Variants in FAM20C observed in about 807,000 individuals in gnomAD.
FAM20C encodes FAM20C golgi associated secretory pathway kinase, also known as extracellular serine/threonine protein kinase FAM20C.
In FAM20C, 40 loss-of-function variants were observed where a neutral mutation model predicts 51.5. The ratio of observed to expected loss-of-function variants is 0.78; its 90% CI spans 0.60 to 1.01. The LOEUF (loss-of-function observed/expected upper bound fraction) is 1.01. FAM20C is among the 50% of genes least tolerant of loss of function. The pLI, the probability that FAM20C is intolerant of heterozygous loss-of-function variation, is 0.00. For missense variants in FAM20C, 861 were observed against 844.7 expected, an observed-to-expected ratio of 1.02 and a Z score of -0.24; for synonymous variants, 406 against 380.6, an observed-to-expected ratio of 1.07 and a Z score of -0.78.
intron 3 of FAM20C, among the ~76,000 whole-genome samples, chr7:242,076 G>T (rs923165881): frequency 6.6e-6 from 1 of 152,178 alleles, no homozygotes; most frequent in East Asian, 1.9e-4. Flanking sequence ...GGCCCCCTGC[G>T]CTCTGGCAGG....
chr7:226,178 T>C (rs1248760960), intron 3 of FAM20C, among the ~76,000 whole-genome samples: 1 of 152,080 alleles, frequency 6.6e-6, no homozygotes, highest in Non-Finnish European at 1.5e-5. Context: ...CCAAACCCAC[T>C]GGGTTCAGCC....
chr7:222,617 A>G (rs986666686), intron 3 of FAM20C, among the ~76,000 whole-genome samples: 6 of 152,198 alleles, frequency 3.9e-5, no homozygotes, highest in Non-Finnish European at 7.4e-5. Flanking sequence ...TGAGGTGCCA[A>G]CCAAAGGCTG....
chr7:249,526 AT>A (rs1367387281), intron 5 of FAM20C, among the ~76,000 whole-genome samples: 1 of 152,174 alleles, frequency 6.6e-6, no homozygotes, highest in African/African-American at 2.4e-5. Flanking sequence ...GGATCACTTG[AT>A]TTCAGGAGTT....
At chr7:203,168 C>T (rs1786208610) in intron 2 of FAM20C, among the ~76,000 whole-genome samples, 1 of 152,210 alleles carries the variant, frequency 6.6e-6, no homozygotes, top group African/African-American at 2.4e-5. Context: ...GGGATCAGCT[C>T]TCAGTGGGTC....
intron 5 of FAM20C, 75 bp from the exon 6 acceptor site, chr7:255,774 C>G: frequency 6.7e-7 from 1 of 1,502,724 alleles, no homozygotes; most frequent in Non-Finnish European, 8.9e-7. Flanking sequence ...CCGGCCCGGC[C>G]TTGGGGGCCG....
At position 257,385 on chromosome 7, in the gene FAM20C, C is replaced by T. The variant is rs533290852; in HGVS notation, c.1445+299C>T. On this transcript the variant is annotated intron_variant, in intron 8 of 9. Coordinates refer to ENST00000313766, the MANE Select transcript of FAM20C (RefSeq NM_020223.4). Reference sequence around the variant, plus strand: ...AGGCTGCTGGTAGGAAGAGCAGGACCGTGCAGAATAGATGGGCCTCTGCCT... The same window carrying T: ...AGGCTGCTGGTAGGAAGAGCAGGACTGTGCAGAATAGATGGGCCTCTGCCT... 89 of 395,214 alleles carry T rather than the reference C, an allele frequency of 2.3e-4. 1 individual carries two copies. The South Asian group carries it at 2.6e-3, about 12-fold the overall frequency. 24.5% of individuals were successfully genotyped at this position (395,214 alleles called of 1,614,324 possible). A position where few individuals can be genotyped will look rare whatever the true frequency, so the allele number is the denominator to read the frequency against.
At chr7:228,622 G>T in intron 3 of FAM20C, 1 of 456,244 alleles carries the variant, frequency 2.2e-6, no homozygotes, top group Non-Finnish European at 4.4e-6. Flanking sequence ...GTGAGCCAGG[G>T]GAATGACCTG....
chr7:200,632 A>C (rs1786085566), intron 2 of FAM20C, among the ~76,000 whole-genome samples: 1 of 152,258 alleles, frequency 6.6e-6, no homozygotes, highest in Non-Finnish European at 1.5e-5. Flanking sequence ...GCAAGGCTGC[A>C]GTTTTCTTTT....
At chr7:201,815 C>A (rs1197166301) in intron 2 of FAM20C, among the ~76,000 whole-genome samples, 1 of 152,230 alleles carries the variant, frequency 6.6e-6, no homozygotes, top group African/African-American at 2.4e-5. Flanking sequence ...GTGGGCAAAA[C>A]CCAGTGGCGT....
intron 2 of FAM20C, among the ~76,000 whole-genome samples, chr7:197,960 A>G (rs1045434416): frequency 2.6e-5 from 4 of 152,202 alleles, no homozygotes; most frequent in Non-Finnish European, 2.9e-5. Flanking sequence ...GCTGCCTGAC[A>G]TTGCAGGGGT....
chr7:253,969 G>T (rs184857284), intron 5 of FAM20C, among the ~76,000 whole-genome samples: 1 of 152,196 alleles, frequency 6.6e-6, no homozygotes, highest in African/African-American at 2.4e-5. Flanking sequence ...GTGGGCTGCC[G>T]ACTAATCTGT....
At chr7:198,615 A>G (rs532701017) in intron 2 of FAM20C, among the ~76,000 whole-genome samples, 2 of 152,348 alleles carry the variant, frequency 1.3e-5, no homozygotes, top group South Asian at 2.1e-4. Flanking sequence ...GATCCACACC[A>G]TGCACCACGT....
chr7:207,861 G>A (rs775319685), intron 2 of FAM20C, among the ~76,000 whole-genome samples: 6 of 152,216 alleles, frequency 3.9e-5, no homozygotes, highest in South Asian at 2.1e-4. Context: ...GGAACCCCCC[G>A]GAGCCCCCTT....
chr7:214,982 C>G (rs1786892119), intron 3 of FAM20C, among the ~76,000 whole-genome samples: 1 of 152,046 alleles, frequency 6.6e-6, no homozygotes, highest in South Asian at 2.1e-4. Context: ...AGACTCGAAG[C>G]CTGAAGGTGG....
chr7:244,221 A>G (rs1788059184), intron 3 of FAM20C, among the ~76,000 whole-genome samples: 1 of 152,168 alleles, frequency 6.6e-6, no homozygotes, highest in Admixed American at 6.5e-5. Context: ...CGAAGTTTAC[A>G]GAAAAGAAAT....
At chr7:241,682 CTG>C (rs1459584408) in intron 3 of FAM20C, among the ~76,000 whole-genome samples, 5 of 151,930 alleles carry the variant, frequency 3.3e-5, no homozygotes, top group Non-Finnish European at 7.4e-5. Context: ...GCACATGTAT[CTG>C]TGCACATATG....
chr7:241,079 C>CA (rs1232700527), intron 3 of FAM20C, among the ~76,000 whole-genome samples: 82,272 of 151,936 alleles, frequency 0.54, 23,220 homozygotes, highest in African/African-American at 0.7. Flanking sequence ...GGGTGAGCTT[C>CA]GGGGTGAATT....
At chr7:248,568 C>T (rs1401579911) in intron 5 of FAM20C, 138 bp downstream of exon 5, 1 of 596,238 alleles carries the variant, frequency 1.7e-6, no homozygotes, top group African/African-American at 2.0e-5. Flanking sequence ...CCACATTCAC[C>T]TCTCCAGGTA....
At chr7:213,156 C>G (rs75677497) in intron 3 of FAM20C, among the ~76,000 whole-genome samples, 78 of 59,490 alleles carry the variant, frequency 1.3e-3, no homozygotes, top group East Asian at 4.5e-3. Flanking sequence ...CTGTGGAGTC[C>G]TGCAGTGTGT....
Sources: allele counts gnomAD v4.1 joint callset (sites outside exome capture counted in the v4.1 genomes callset), GRCh38; gene constraint gnomAD v4.1.1; transcripts MANE v1.5; gene names NCBI Gene and HGNC (gene_info 2026-07-23, HGNC 2026-07-21).